Variants in PCSK5 observed in about 807,000 individuals in gnomAD.
The protein encoded by PCSK5 is prohormone convertase 5.
PCSK5 carries 129 observed loss-of-function variants against 233.2 expected under a neutral mutation model. The observed-to-expected ratio is 0.55, with a 90% CI of 0.48 to 0.64. PCSK5 has a LOEUF of 0.64. PCSK5 is among the 30% of genes least tolerant of loss of function. The pLI, the probability that PCSK5 is intolerant of heterozygous loss-of-function variation, is 0.00. For synonymous variants in PCSK5, 825 were observed against 879.2 expected (o/e 0.94, Z 1.09); for missense variants, 2,076 against 2,430.1 (o/e 0.85, Z 3.06).
chr9:75,909,184 G>A (rs182639029), intron 1 of PCSK5, among the ~76,000 whole-genome samples: 288 of 151,588 alleles, frequency 1.9e-3, no homozygotes, highest in African/African-American at 6.7e-3. Flanking sequence ...AATTAGCCAG[G>A]TGTGGTGATG....
chr9:75,951,662 T>C (rs1824862225), intron 2 of PCSK5, among the ~76,000 whole-genome samples: 1 of 152,142 alleles, frequency 6.6e-6, no homozygotes, highest in Non-Finnish European at 1.5e-5. Flanking sequence ...CAGACCTCCT[T>C]ATCCACAGAT....
intron 7 of PCSK5, among the ~76,000 whole-genome samples, chr9:76,077,920 C>T (rs1830696537): frequency 6.6e-6 from 1 of 152,188 alleles, no homozygotes; most frequent in Non-Finnish European, 1.5e-5. Flanking sequence ...TGGATACATA[C>T]CCAGTAATGG....
At chr9:76,180,087 GTATATA>G (rs1554701013) in intron 15 of PCSK5, among the ~76,000 whole-genome samples, 1 of 132,598 alleles carries the variant, frequency 7.5e-6, no homozygotes, top group Admixed American at 7.6e-5. Context: ...GTGTGTGTGT[GTATATA>G]TATATATATA....
At chr9:76,155,334 C>T (rs1823844706) in intron 10 of PCSK5, among the ~76,000 whole-genome samples, 1 of 152,164 alleles carries the variant, frequency 6.6e-6, no homozygotes, top group African/African-American at 2.4e-5. Context: ...ATGTGATTAG[C>T]AAATCGCATA....
intron 1 of PCSK5, among the ~76,000 whole-genome samples, chr9:75,906,798 G>A (rs1256393058): frequency 1.3e-5 from 2 of 152,152 alleles, no homozygotes; most frequent in Admixed American, 6.6e-5. Flanking sequence ...GCTTTTAAAG[G>A]CCTGTACCTA....
intron 3 of PCSK5, among the ~76,000 whole-genome samples, chr9:76,010,722 G>A (rs1271783261): frequency 1.3e-5 from 2 of 152,176 alleles, no homozygotes; most frequent in East Asian, 1.9e-4. Context: ...GTTTATGTTA[G>A]TTACCCATGA....
chr9:76,106,113 C>T (rs1831968543), intron 8 of PCSK5, among the ~76,000 whole-genome samples: 1 of 152,212 alleles, frequency 6.6e-6, no homozygotes, highest in African/African-American at 2.4e-5. Context: ...TTTTCAGCTG[C>T]CTGGATCCCC....
chr9:76,038,983 A>G (rs1302243239), intron 5 of PCSK5, among the ~76,000 whole-genome samples: 4 of 152,198 alleles, frequency 2.6e-5, no homozygotes, highest in Non-Finnish European at 5.9e-5. Context: ...ATTCCACAAC[A>G]TGGAGCGCGG....
intron 7 of PCSK5, among the ~76,000 whole-genome samples, chr9:76,082,039 T>A (rs1052958550): frequency 6.6e-6 from 1 of 152,122 alleles, no homozygotes; most frequent in Non-Finnish European, 1.5e-5. Flanking sequence ...TTTTTTTTTC[T>A]CTTTAAAACT....
chr9:76,013,153 G>C (rs1176803324), intron 3 of PCSK5, among the ~76,000 whole-genome samples: 1 of 152,116 alleles, frequency 6.6e-6, no homozygotes, highest in Non-Finnish European at 1.5e-5. Flanking sequence ...GTAATTAGGG[G>C]ACCACTGTTA....
In PCSK5 at chr9:76,192,954, A is replaced by C. The variant is rs534819797; in HGVS notation, c.2626+3208A>C. 2.5e-4 allele frequency among the ~76,000 whole-genome samples: 38 copies of C among 150,204 alleles called. No homozygotes were observed. In the South Asian group the frequency reaches 8.1e-3, roughly 32 times the overall value. On this transcript the variant is annotated intron_variant, in intron 20 of 37. Coordinates refer to ENST00000674117, the MANE Select transcript of PCSK5 (RefSeq NM_001372043.1). The stretch of plus-strand genomic sequence containing the variant: ...GACAAATTTCTTGCTTGTGTTATTA[A>C]TTGATTTCTAATTTATTCTTTTTCT...
intron 1 of PCSK5, among the ~76,000 whole-genome samples, chr9:75,909,436 C>T (rs1444478199): frequency 6.6e-6 from 1 of 151,736 alleles, no homozygotes; most frequent in Non-Finnish European, 1.5e-5. Context: ...TAGCTCACGC[C>T]TGTAATCCCA....
intron 24 of PCSK5, among the ~76,000 whole-genome samples, chr9:76,260,554 C>T (rs1827138609): frequency 1.3e-5 from 2 of 152,112 alleles, no homozygotes; most frequent in African/African-American, 4.8e-5. Context: ...CATCTAAAAG[C>T]CAAATACAAC....
chr9:76,068,349 G>T (rs1830360332), intron 6 of PCSK5, among the ~76,000 whole-genome samples: 1 of 152,118 alleles, frequency 6.6e-6, no homozygotes, highest in Non-Finnish European at 1.5e-5. Context: ...TACAATTGGT[G>T]CCTGGGTTAG....
intron 25 of PCSK5, among the ~76,000 whole-genome samples, chr9:76,293,120 C>A (rs17062380): frequency 1.6e-3 from 244 of 151,976 alleles, no homozygotes; most frequent in Non-Finnish European, 3.0e-3. Context: ...CGACATTTGG[C>A]CTTTGGCGGG....
In PCSK5 at chr9:75,986,167, G is replaced by A. The variant is rs926956036; in HGVS notation, c.333G>A (p.Arg111=). ...EWIQQQVVKK[R]TKRDYDFSRA... ...TCCAACAGCAAGTGGTAAAAAAGCG[G>A]ACAAAGAGGGATTATGACTTCAGTC... Residue 111 remains arginine, a synonymous_variant, in exon 3 of 38, where the codon CGG becomes CGA. Coordinates refer to ENST00000674117, the MANE Select transcript of PCSK5 (RefSeq NM_001372043.1). 6.2e-7 allele frequency: 1 copy of A among 1,613,614 alleles called. No individual in the cohort carries two copies.
intron 2 of PCSK5, among the ~76,000 whole-genome samples, chr9:75,956,647 A>G (rs1456469410): frequency 6.6e-6 from 1 of 152,222 alleles, no homozygotes; most frequent in Admixed American, 6.5e-5. Flanking sequence ...GATTTAAGAT[A>G]TAAACTACAT....
intron 22 of PCSK5, among the ~76,000 whole-genome samples, chr9:76,235,759 G>A (rs974299744): frequency 2.0e-5 from 3 of 152,190 alleles, no homozygotes; most frequent in African/African-American, 4.8e-5. Context: ...AGGCTTCCTC[G>A]AGGTGGGGTG....
chr9:76,065,743 A>T (rs1273243090), intron 5 of PCSK5, among the ~76,000 whole-genome samples: 1 of 152,148 alleles, frequency 6.6e-6, no homozygotes, highest in African/African-American at 2.4e-5. Context: ...CAATGTCCCA[A>T]AGCATTTCTT....
Sources: allele counts gnomAD v4.1 joint callset (sites outside exome capture counted in the v4.1 genomes callset), GRCh38; gene constraint gnomAD v4.1.1; transcripts MANE v1.5; gene names NCBI Gene and HGNC (gene_info 2026-07-23, HGNC 2026-07-21).